PRDM16: variants seen among roughly 807,000 people sequenced by gnomAD.
PRDM16 encodes PR/SET domain 16.
A neutral mutation model predicts 110.6 loss-of-function variants in PRDM16; 23 were observed. The observed-to-expected ratio is 0.21, with a 90% confidence interval of 0.15 to 0.29. PRDM16 has a LOEUF of 0.29. PRDM16 is among the 10% of genes least tolerant of loss of function. The probability of loss-of-function intolerance (pLI) is 1.00; values close to 1 mark genes in which losing one functional copy is unlikely to be tolerated. For missense variants in PRDM16, 1,615 were observed against 1,794.3 expected, an observed-to-expected ratio of 0.90 and a Z score of 1.81; for synonymous variants, 799 against 781.8, an observed-to-expected ratio of 1.02 and a Z score of -0.37.
intron 3 of PRDM16, among the ~76,000 whole-genome samples, chr1:3,347,973 C>T (rs1194730864): frequency 6.6e-6 from 1 of 151,920 alleles, no homozygotes; most frequent in Non-Finnish European, 1.5e-5. Context: ...CCGTGAGCCT[C>T]TGGACACGGG....
intron 1 of PRDM16, among the ~76,000 whole-genome samples, chr1:3,136,419 AG>A (rs557956522): frequency 2.2e-4 from 34 of 152,120 alleles, no homozygotes; most frequent in African/African-American, 8.0e-4. Flanking sequence ...AGAGTGGCTG[AG>A]CTGGGGCTGG....
chr1:3,098,076 C>A (rs1384173131), intron 1 of PRDM16, among the ~76,000 whole-genome samples: 2 of 152,202 alleles, frequency 1.3e-5, no homozygotes, highest in Non-Finnish European at 2.9e-5. Flanking sequence ...TTGTGCGGCT[C>A]CTTCCCAGTC....
At chr1:3,233,666 C>T (rs1416434892) in intron 2 of PRDM16, among the ~76,000 whole-genome samples, 2 of 152,204 alleles carry the variant, frequency 1.3e-5, no homozygotes, top group Non-Finnish European at 2.9e-5. Flanking sequence ...CATAACTTTA[C>T]TAACACAGGA....
At chr1:3,136,022 T>C (rs1643430394) in intron 1 of PRDM16, among the ~76,000 whole-genome samples, 1 of 152,028 alleles carries the variant, frequency 6.6e-6, no homozygotes, top group South Asian at 2.1e-4. Context: ...GTGAGGAGAT[T>C]GTTTGGCTCG....
rs1643719404 is a variant in PRDM16, at chr1:3,148,485, C to A, written c.38-37640C>A. On this transcript the variant is annotated intron_variant, in intron 1 of 16. Coordinates refer to ENST00000270722, the MANE Select transcript of PRDM16 (RefSeq NM_022114.4). This position sits in a 1 kb window ranked among gnomAD's most constrained non-coding sequence, Gnocchi z 5.0. ...GCCACTCACCCGCAGCAGGTGGAAC[C>A]CCTGCCTCACCTTCCCTGCTTCTGA... is the stretch of plus-strand genomic sequence containing the variant. 6.6e-6 allele frequency among the ~76,000 whole-genome samples: 1 copy of A among 152,180 alleles called. No individual in the cohort carries two copies. The highest frequency in any genetic ancestry group is 1.5e-5 in the Non-Finnish European group (1 of 68,014).
At chr1:3,204,517 T>C (rs116222166) in intron 2 of PRDM16, among the ~76,000 whole-genome samples, 1,894 of 152,322 alleles carry the variant, frequency 0.012, 25 homozygotes, top group African/African-American at 0.033. Context: ...CCGAATTCCT[T>C]CTAGCCCTGC....
In PRDM16 at chr1:3,390,958, C is replaced by A. The variant is rs1643290948; in HGVS notation, c.574-5533C>A. The stretch of plus-strand genomic sequence containing the variant: ...TCAAGCGATTCTCCTGTCTCAGCCT[C>A]TCAAGTAGCTGGGATTACAGGGGCC... On this transcript the variant is annotated intron_variant, in intron 4 of 16. Coordinates refer to ENST00000270722, the MANE Select transcript of PRDM16 (RefSeq NM_022114.4). The surrounding 1 kb of genome is among the most constrained non-coding windows in gnomAD (Gnocchi z 5.0). 6.6e-6 allele frequency among the ~76,000 whole-genome samples: 1 copy of A among 151,724 alleles called. No homozygotes were observed. The highest frequency in any genetic ancestry group is 1.5e-5 in the Non-Finnish European group (1 of 67,974).
rs767835445 is a variant in PRDM16, at chr1:3,405,536, G to T, written c.1074G>T (p.Ser358=). Residue 358 remains serine (S), a synonymous_variant, in exon 8 of 17, where the codon TCG becomes TCT. Coordinates refer to ENST00000270722, the MANE Select transcript of PRDM16 (RefSeq NM_022114.4). Reference sequence around the variant, plus strand: ...GCAACCTTCAGCGGCACATCCGCTCGCAGCACGTGGGCGCTCGGGCCCACG... The same window carrying T: ...GCAACCTTCAGCGGCACATCCGCTCTCAGCACGTGGGCGCTCGGGCCCACG... ...DPSNLQRHIR[S]QHVGARAHAC... 6.2e-7 allele frequency: 1 copy of T among 1,604,052 alleles called. No individual in the cohort carries two copies. Among genetic ancestry groups the T allele is most frequent in the East Asian group, 2.2e-5 (1 of 44,458 alleles).
intron 1 of PRDM16, among the ~76,000 whole-genome samples, chr1:3,184,998 C>T (rs549915806): frequency 2.0e-5 from 3 of 152,178 alleles, no homozygotes; most frequent in Non-Finnish European, 4.4e-5. Context: ...GGGGAGGTAC[C>T]GTCCACTACT....
intron 3 of PRDM16, among the ~76,000 whole-genome samples, chr1:3,292,062 T>C (rs1043062404): frequency 6.6e-6 from 1 of 151,978 alleles, no homozygotes; most frequent in Non-Finnish European, 1.5e-5. Context: ...GCATGGCCGC[T>C]TCAGCAAGGC....
At chr1:3,296,334 C>G (rs1641088448) in intron 3 of PRDM16, among the ~76,000 whole-genome samples, 1 of 152,260 alleles carries the variant, frequency 6.6e-6, no homozygotes, top group Non-Finnish European at 1.5e-5. Context: ...GTCCGAGAGG[C>G]AGCCAGGGAG....
chr1:3,236,509 G>A (rs942887733), intron 2 of PRDM16, among the ~76,000 whole-genome samples: 28 of 152,212 alleles, frequency 1.8e-4, no homozygotes, highest in Admixed American at 1.3e-3. Flanking sequence ...AAGGGAGTGG[G>A]GCCTCCTGGG....
chr1:3,165,571 G>GCACA (rs1643944181), intron 1 of PRDM16, among the ~76,000 whole-genome samples: 5 of 117,944 alleles, frequency 4.2e-5, no homozygotes, highest in Non-Finnish European at 6.7e-5. Flanking sequence ...CAGGGCTCAG[G>GCACA]GACAGGGACT....
chr1:3,356,324 G>T (rs183237677), intron 3 of PRDM16, among the ~76,000 whole-genome samples: 4 of 152,324 alleles, frequency 2.6e-5, no homozygotes, highest in Non-Finnish European at 5.9e-5. Flanking sequence ...TGGCCAGGGC[G>T]GCCACTCTGG....
chr1:3,173,326 G>A (rs1206033138), intron 1 of PRDM16, among the ~76,000 whole-genome samples: 3 of 152,252 alleles, frequency 2.0e-5, no homozygotes, highest in Admixed American at 6.5e-5. Flanking sequence ...CAGTGGCATC[G>A]CGAGTCATTC....
intron 3 of PRDM16, among the ~76,000 whole-genome samples, chr1:3,364,710 G>A (rs111753028): frequency 3.3e-5 from 5 of 152,332 alleles, no homozygotes; most frequent in South Asian, 2.1e-4. Context: ...GGGGACAGGC[G>A]GGCCTTATGG....
intron 1 of PRDM16, among the ~76,000 whole-genome samples, chr1:3,083,335 G>A (rs1468173241): frequency 3.9e-5 from 6 of 152,216 alleles, no homozygotes; most frequent in South Asian, 2.1e-4. Flanking sequence ...ACTGGGCGGC[G>A]CGCTCATTTC....
intron 1 of PRDM16, among the ~76,000 whole-genome samples, chr1:3,156,441 A>G (rs559714409): frequency 6.6e-6 from 1 of 152,318 alleles, no homozygotes; most frequent in East Asian, 1.9e-4. Context: ...GATTTAAGTC[A>G]ATGCCTATCC....
At position 3,290,141 on chromosome 1, in the gene PRDM16, C is replaced by T. The variant is rs188172903; in HGVS notation, c.438+46004C>T. 3.3e-5 allele frequency among the ~76,000 whole-genome samples: 5 copies of T among 152,290 alleles called. No individual in the cohort carries two copies. In the East Asian group the frequency reaches 7.7e-4, roughly 24 times the overall value. On this transcript the variant is annotated intron_variant, in intron 3 of 16. Coordinates refer to ENST00000270722, the MANE Select transcript of PRDM16 (RefSeq NM_022114.4). The surrounding 1 kb of genome is among the most constrained non-coding windows in gnomAD (Gnocchi z 4.8). The stretch of plus-strand genomic sequence containing the variant: ...ATGTGTCATGCTGATGTGACAAACC[C>T]GGGCGCTGTTCTCCTGGGTATCACA...
Sources: allele counts gnomAD v4.1 joint callset (sites outside exome capture counted in the v4.1 genomes callset), GRCh38; gene constraint gnomAD v4.1.1; non-coding constraint Gnocchi (gnomAD v3.1); transcripts MANE v1.5; gene names NCBI Gene and HGNC (gene_info 2026-07-23, HGNC 2026-07-21).